The following ATF7IP2 variants were observed in gnomAD, a reference collection of about 807,000 sequenced individuals.
ATF7IP2 encodes activating transcription factor 7 interacting protein 2.
Under a neutral mutation model 64.2 loss-of-function variants are expected in ATF7IP2, and 42 were observed. The observed-to-expected ratio is 0.65, with a 90% CI of 0.51 to 0.85. ATF7IP2 has a LOEUF of 0.85. Among genes scored for constraint, ATF7IP2 ranks in the 40% least tolerant of loss-of-function variants. The probability of loss-of-function intolerance (pLI) is 0.00; values close to 1 mark genes in which losing one functional copy is unlikely to be tolerated. For missense variants in ATF7IP2, 933 were observed against 784.2 expected, an observed-to-expected ratio of 1.19 and a Z score of -2.27; for synonymous variants, 308 against 272.8, an observed-to-expected ratio of 1.13 and a Z score of -1.27.
chr16:10,475,347 A>G (rs531144896), intron 12 of ATF7IP2, among the ~76,000 whole-genome samples: 1 of 152,318 alleles, frequency 6.6e-6, no homozygotes, highest in South Asian at 2.1e-4. Context: ...TTTTCTTTTA[A>G]ATAGAAGTAA....
intron 6 of ATF7IP2, among the ~76,000 whole-genome samples, chr16:10,437,763 A>C (rs1164845683): frequency 6.6e-6 from 1 of 152,222 alleles, no homozygotes; most frequent in African/African-American, 2.4e-5. Context: ...ACTAGGAGTT[A>C]TGGATATTAA....
intron 6 of ATF7IP2, among the ~76,000 whole-genome samples, chr16:10,437,091 G>A (rs547348868): frequency 3.4e-5 from 5 of 148,244 alleles, no homozygotes; most frequent in South Asian, 2.1e-4. Flanking sequence ...GTGTGATCTC[G>A]GCTCACTGCA....
At chr16:10,424,042 T>A (rs2048037468) in intron 3 of ATF7IP2, among the ~76,000 whole-genome samples, 1 of 152,256 alleles carries the variant, frequency 6.6e-6, no homozygotes. Context: ...AAGCATTGTT[T>A]CTATAGATTA....
chr16:10,463,627 C>T (rs779727759), intron 9 of ATF7IP2, among the ~76,000 whole-genome samples: 17 of 152,112 alleles, frequency 1.1e-4, no homozygotes, highest in Non-Finnish European at 2.2e-4. Context: ...CAGCACCTGC[C>T]AACATCCTGA....
At chr16:10,396,219 TAAGTA>T (rs1343618777) in intron 1 of ATF7IP2, among the ~76,000 whole-genome samples, 1 of 152,152 alleles carries the variant, frequency 6.6e-6, no homozygotes, top group African/African-American at 2.4e-5. Flanking sequence ...AGAAATTAAA[TAAGTA>T]AATAGATAAT....
Position 10,429,951 on chromosome 16 carries a change from C to T in ATF7IP2, c.-10-660C>T, listed in dbSNP as rs568340707. Among the ~76,000 whole-genome samples, 246 of 151,684 alleles carry T rather than the reference C, an allele frequency of 1.6e-3. 1 individual carries two copies. Among genetic ancestry groups the T allele is most frequent in the African/African-American group, 5.7e-3 (234 of 41,298 alleles). ...CACTGCAACCTCCACCTCCCGGGTTCGAGTGATTCTTGTGCTTCAGCCTGC... is the reference window on the plus strand; with the variant it reads ...CACTGCAACCTCCACCTCCCGGGTTTGAGTGATTCTTGTGCTTCAGCCTGC... On this transcript the variant is annotated intron_variant, in intron 4 of 13. Coordinates refer to ENST00000562102, the MANE Select transcript of ATF7IP2 (RefSeq NM_001393719.1).
chr16:10,405,104 T>A (rs951321884), intron 1 of ATF7IP2, among the ~76,000 whole-genome samples: 11 of 152,092 alleles, frequency 7.2e-5, no homozygotes, highest in African/African-American at 2.7e-4. Context: ...GGCTCATGCC[T>A]GTAATCTCGG....
intron 2 of ATF7IP2, 105 bp from the exon 3 acceptor site, chr16:10,419,476 C>G (rs2047948795): frequency 6.5e-6 from 1 of 154,172 alleles, no homozygotes; most frequent in African/African-American, 2.4e-5. Context: ...TATAATTGTT[C>G]TCTGTGTCAG....
At chr16:10,417,614 C>T (rs187242041) in intron 2 of ATF7IP2, among the ~76,000 whole-genome samples, 1 of 152,048 alleles carries the variant, frequency 6.6e-6, no homozygotes, top group African/African-American at 2.4e-5. Flanking sequence ...AGATAGATAG[C>T]TGAACAATAA....
chr16:10,467,514 CA>C (rs1399134261), intron 9 of ATF7IP2, among the ~76,000 whole-genome samples: 3 of 150,222 alleles, frequency 2.0e-5, no homozygotes, highest in South Asian at 4.2e-4. Context: ...TACTAGAAGA[CA>C]AAAATATATA....
intron 5 of ATF7IP2, 41 bp from the exon 6 acceptor site, chr16:10,433,484 C>G: frequency 6.3e-7 from 1 of 1,576,354 alleles, no homozygotes; most frequent in Non-Finnish European, 8.6e-7. Flanking sequence ...CTGTTTTTTT[C>G]TTTAAAATAT....
At chr16:10,461,187 G>C (rs915675876) in intron 9 of ATF7IP2, among the ~76,000 whole-genome samples, 3 of 152,060 alleles carry the variant, frequency 2.0e-5, no homozygotes, top group Non-Finnish European at 2.9e-5. Context: ...TTAAAAATCT[G>C]ACTACTGGGT....
chr16:10,461,045 C>G (rs2049357653), intron 9 of ATF7IP2, among the ~76,000 whole-genome samples: 2 of 152,194 alleles, frequency 1.3e-5, no homozygotes, highest in South Asian at 4.1e-4. Flanking sequence ...CTTGTGCATC[C>G]ACTTCACAAA....
At chr16:10,469,942 T>A (rs1490679298) in intron 9 of ATF7IP2, among the ~76,000 whole-genome samples, 2 of 151,734 alleles carry the variant, frequency 1.3e-5, no homozygotes, top group African/African-American at 2.4e-5. Context: ...GAAAATATGT[T>A]TCCAAAGTGT....
intron 3 of ATF7IP2, among the ~76,000 whole-genome samples, chr16:10,422,596 G>T (rs1252435836): frequency 6.6e-6 from 1 of 152,172 alleles, no homozygotes; most frequent in East Asian, 1.9e-4. Flanking sequence ...ATGTTAAATT[G>T]AGCAGGTTGA....
chr16:10,392,171 A>G (rs974175366), intron 1 of ATF7IP2, among the ~76,000 whole-genome samples: 10 of 147,240 alleles, frequency 6.8e-5, no homozygotes, highest in African/African-American at 2.5e-4. Flanking sequence ...CTCTTGCCTC[A>G]GCCTCCCAAG....
At chr16:10,440,527 A>G in intron 8 of ATF7IP2, 65 bp downstream of exon 8, 1 of 914,916 alleles carries the variant, frequency 1.1e-6, no homozygotes, top group Non-Finnish European at 1.7e-6. Flanking sequence ...TGATTAGAAG[A>G]AATGAATATA....
At chr16:10,480,079 C>T (rs1040424295) in intron 12 of ATF7IP2, among the ~76,000 whole-genome samples, 2 of 146,434 alleles carry the variant, frequency 1.4e-5, no homozygotes, top group East Asian at 4.0e-4. Flanking sequence ...ACCTCCACCT[C>T]CCGGGTTTAA....
intron 8 of ATF7IP2, among the ~76,000 whole-genome samples, chr16:10,442,192 G>A (rs896682006): frequency 6.6e-6 from 1 of 152,234 alleles, no homozygotes; most frequent in Non-Finnish European, 1.5e-5. Flanking sequence ...ATGCCTGGGT[G>A]TGTAAAAGGC....
Sources: gnomAD v4.1 joint callset for allele counts (sites outside exome capture counted in the v4.1 genomes callset) on GRCh38, gnomAD v4.1.1 for gene constraint, MANE v1.5 for transcripts, NCBI Gene and HGNC (gene_info 2026-07-23, HGNC 2026-07-21) for gene names.